The following EYS variants were observed in gnomAD, a reference collection of about 807,000 sequenced individuals.
EYS encodes EGF-like photoreceptor maintenance factor.
A neutral mutation model predicts 282.1 loss-of-function variants in EYS; 250 were observed. The observed-to-expected ratio is 0.89, with a 90% CI of 0.80 to 0.98. The LOEUF is 0.98. EYS is among the 50% of genes least tolerant of loss of function. The pLI is 0.00. For synonymous variants in EYS, 1,355 were observed against 1,282.9 expected (o/e 1.06, Z -1.20); for missense variants, 4,016 against 3,709.0 (o/e 1.08, Z -2.15).
chr6:64,361,118 A>G (rs1430334756), intron 29 of EYS, among the ~76,000 whole-genome samples: 1 of 151,756 alleles, frequency 6.6e-6, no homozygotes, highest in Non-Finnish European at 1.5e-5. Flanking sequence ...AGAATATGGA[A>G]CTATATATTT....
At chr6:64,203,150 A>T (rs981078208) in intron 31 of EYS, among the ~76,000 whole-genome samples, 33 of 152,220 alleles carry the variant, frequency 2.2e-4, no homozygotes, top group African/African-American at 7.7e-4. Context: ...GATTGACTAT[A>T]AAGGCAGAAA....
chr6:64,694,285 A>C (rs563587404), intron 22 of EYS, among the ~76,000 whole-genome samples: 1 of 152,354 alleles, frequency 6.6e-6, no homozygotes, highest in East Asian at 1.9e-4. Flanking sequence ...ACAACATAAA[A>C]GTTAAAAAAC....
At chr6:65,442,057 C>T (rs1018827388) in intron 5 of EYS, among the ~76,000 whole-genome samples, 1 of 152,002 alleles carries the variant, frequency 6.6e-6, no homozygotes, top group Non-Finnish European at 1.5e-5. Context: ...TTACTTCATA[C>T]ACCCCGTTAG....
At chr6:63,941,516 C>G (rs574645151) in intron 35 of EYS, among the ~76,000 whole-genome samples, 2 of 152,222 alleles carry the variant, frequency 1.3e-5, no homozygotes, top group African/African-American at 4.8e-5. Context: ...CCTTCGTCCA[C>G]TTTTTGATGG....
At chr6:63,766,624 A>G (rs763672047) in intron 40 of EYS, among the ~76,000 whole-genome samples, 15 of 152,060 alleles carry the variant, frequency 9.9e-5, no homozygotes, top group Non-Finnish European at 2.1e-4. Flanking sequence ...TTTGTCACTT[A>G]CCATGTGCCA....
At chr6:65,686,090 T>G (rs1471366531) in intron 1 of EYS, among the ~76,000 whole-genome samples, 1 of 152,048 alleles carries the variant, frequency 6.6e-6, no homozygotes, top group Non-Finnish European at 1.5e-5. Context: ...TTCTTCCCAG[T>G]GTCACCCTAC....
At chr6:65,371,733 C>CTG (rs1562129810) in intron 8 of EYS, among the ~76,000 whole-genome samples, 4 of 50,680 alleles carry the variant, frequency 7.9e-5, no homozygotes, top group African/African-American at 2.1e-4. Flanking sequence ...CTCTCTCTCT[C>CTG]TCTCTCTCTG....
At chr6:65,256,295 T>C (rs1450433142) in intron 12 of EYS, among the ~76,000 whole-genome samples, 49 of 147,988 alleles carry the variant, frequency 3.3e-4, no homozygotes, top group African/African-American at 7.1e-4. Flanking sequence ...TTAATTAAAG[T>C]TTTAGGGTAC....
chr6:64,730,191 CTTA>C (rs1771911243), intron 22 of EYS, among the ~76,000 whole-genome samples: 1 of 152,020 alleles, frequency 6.6e-6, no homozygotes, highest in Non-Finnish European at 1.5e-5. Flanking sequence ...AAGGGAGGGA[CTTA>C]TTAACTGATT....
intron 9 of EYS, among the ~76,000 whole-genome samples, chr6:65,346,947 A>T (rs914935231): frequency 4.0e-5 from 6 of 151,808 alleles, no homozygotes; most frequent in African/African-American, 1.4e-4. Flanking sequence ...TGAGTTCTAC[A>T]TTCATTTCCA....
intron 33 of EYS, among the ~76,000 whole-genome samples, chr6:64,063,622 G>T (rs1261550826): frequency 6.6e-6 from 1 of 152,100 alleles, no homozygotes; most frequent in African/African-American, 2.4e-5. Flanking sequence ...TTCAAACTTT[G>T]TTTTTCATTA....
chr6:64,820,743 G>GT (rs1306984162), intron 21 of EYS, among the ~76,000 whole-genome samples: 8 of 152,070 alleles, frequency 5.3e-5, no homozygotes, highest in Non-Finnish European at 1.0e-4. Context: ...CAGTAGGTAA[G>GT]TAGCAATATA....
At chr6:63,738,717 C>A (rs1467211570) in intron 41 of EYS, among the ~76,000 whole-genome samples, 1 of 151,812 alleles carries the variant, frequency 6.6e-6, no homozygotes, top group Non-Finnish European at 1.5e-5. Context: ...TGCACATGTA[C>A]CCTAAAACTT....
intron 12 of EYS, among the ~76,000 whole-genome samples, chr6:65,175,500 G>T (rs562879124): frequency 6.6e-6 from 1 of 151,306 alleles, no homozygotes; most frequent in East Asian, 2.0e-4. Flanking sequence ...TGGAATAAGT[G>T]GTGCTCTCAA....
chr6:64,707,257 C>T (rs982560258), intron 22 of EYS, among the ~76,000 whole-genome samples: 3 of 152,082 alleles, frequency 2.0e-5, no homozygotes, highest in Non-Finnish European at 2.9e-5. Flanking sequence ...GAAAACCAAA[C>T]ATTGTATCTT....
chr6:64,394,692 G>A (rs1045826667), intron 28 of EYS, among the ~76,000 whole-genome samples: 254 of 151,846 alleles, frequency 1.7e-3, no homozygotes, highest in African/African-American at 5.9e-3. Flanking sequence ...AAGAAAACCT[G>A]GGCATTACCA....
chr6:65,543,187 T>G lies in EYS; in HGVS notation c.-332-47194A>C, dbSNP rs935026394. Among the ~76,000 whole-genome samples, 17 of 151,464 alleles carry G rather than the reference T, an allele frequency of 1.1e-4. No individual in the cohort carries two copies. The East Asian group carries it at 3.3e-3, about 30-fold the overall frequency. ...GCACTTGCCACCATGCCGGGCTAAT[T>G]TTTGTATTTTTAGTAGAGACGGGAT... On this transcript the variant is annotated intron_variant, in intron 2 of 42. Coordinates refer to ENST00000503581, the MANE Select transcript of EYS (RefSeq NM_001142800.2).
At chr6:64,836,652 C>T (rs922707699) in intron 19 of EYS, among the ~76,000 whole-genome samples, 30 of 151,442 alleles carry the variant, frequency 2.0e-4, no homozygotes, top group Admixed American at 7.3e-4. Flanking sequence ...TATCCAGTAG[C>T]GATGAACATG....
At chr6:65,300,153 A>G (rs996499606) in intron 11 of EYS, among the ~76,000 whole-genome samples, 3 of 152,124 alleles carry the variant, frequency 2.0e-5, no homozygotes, top group Admixed American at 6.5e-5. Context: ...TGCAAAATAC[A>G]TTGGATATTC....
Sources: gnomAD v4.1 joint callset for allele counts (sites outside exome capture counted in the v4.1 genomes callset) on GRCh38, gnomAD v4.1.1 for gene constraint, MANE v1.5 for transcripts, NCBI Gene and HGNC (gene_info 2026-07-23, HGNC 2026-07-21) for gene names.